PPARGC1A: variants seen among roughly 807,000 people sequenced by gnomAD.
PPARGC1A encodes PPARG coactivator 1 alpha.
PPARGC1A carries 25 observed loss-of-function variants against 88.7 expected under a neutral mutation model. That is an observed-to-expected ratio of 0.28 (90% CI 0.21 to 0.39). The LOEUF (loss-of-function observed/expected upper bound fraction) is 0.39, where lower values mean the gene tolerates loss of function less well. PPARGC1A is among the 10% of genes least tolerant of loss of function. PPARGC1A has a pLI of 1.00. For synonymous variants in PPARGC1A, 363 were observed against 355.6 expected, an observed-to-expected ratio of 1.02 and a Z score of -0.24; for missense variants, 880 against 968.7, an observed-to-expected ratio of 0.91 and a Z score of 1.22.
chr4:24,351,657 A>G, the PPARGC1A span, among the ~76,000 whole-genome samples: 6 of 152,140 alleles, frequency 3.9e-5, no homozygotes, highest in Non-Finnish European at 8.8e-5. Context: ...AAAAGACACT[A>G]TCTAATGTAA....
At chr4:24,093,739 G>A in the PPARGC1A span, among the ~76,000 whole-genome samples, 1 of 152,196 alleles carries the variant, frequency 6.6e-6, no homozygotes, top group Non-Finnish European at 1.5e-5. Flanking sequence ...CTTATGGAAG[G>A]CAGCACACGA....
chr4:24,421,099 C>T, the PPARGC1A span, among the ~76,000 whole-genome samples: 3 of 152,050 alleles, frequency 2.0e-5, no homozygotes, highest in Non-Finnish European at 4.4e-5. Context: ...TCAACATATA[C>T]ATTTTGGAGC....
At chr4:23,897,363 T>C (rs1718718447) in intron 1 of PPARGC1A, among the ~76,000 whole-genome samples, 1 of 152,172 alleles carries the variant, frequency 6.6e-6, no homozygotes, top group African/African-American at 2.4e-5. Context: ...GAAAGGAAAG[T>C]GCATGGTAAG....
At chr4:24,343,415 C>T in the PPARGC1A span, among the ~76,000 whole-genome samples, 2,659 of 152,232 alleles carry the variant, frequency 0.017, 81 homozygotes, top group African/African-American at 0.061. Flanking sequence ...CCTTTCATCT[C>T]TTTGGCCACA....
chr4:24,017,976 T>C, the PPARGC1A span, among the ~76,000 whole-genome samples: 1 of 152,214 alleles, frequency 6.6e-6, no homozygotes, highest in Non-Finnish European at 1.5e-5. Context: ...TGAACACATA[T>C]GCTTCCTGTC....
the PPARGC1A span, among the ~76,000 whole-genome samples, chr4:24,037,230 T>A: frequency 6.6e-6 from 1 of 152,226 alleles, no homozygotes; most frequent in Non-Finnish European, 1.5e-5. Context: ...GTTTCTTTAT[T>A]TTTAATATAT....
chr4:23,839,576 A>G (rs1434914118), intron 2 of PPARGC1A, among the ~76,000 whole-genome samples: 2 of 152,168 alleles, frequency 1.3e-5, no homozygotes. Context: ...CTCAAGTGAA[A>G]CAACTCAACT....
At chr4:24,012,540 T>G in the PPARGC1A span, among the ~76,000 whole-genome samples, 1 of 152,080 alleles carries the variant, frequency 6.6e-6, no homozygotes, top group South Asian at 2.1e-4. Flanking sequence ...GCCAACCTGC[T>G]TTTCTGCTCT....
the PPARGC1A span, among the ~76,000 whole-genome samples, chr4:23,924,652 G>A: frequency 6.6e-6 from 1 of 152,064 alleles, no homozygotes; most frequent in African/African-American, 2.4e-5. Flanking sequence ...TCTTTTCTTA[G>A]ACAGGTGTCC....
chr4:23,869,771 C>T (rs1560481169), intron 2 of PPARGC1A, among the ~76,000 whole-genome samples: 1 of 151,944 alleles, frequency 6.6e-6, no homozygotes. Context: ...GGGGTGGTGG[C>T]TTATTTGAGG....
chr4:24,003,656 G>T, the PPARGC1A span, among the ~76,000 whole-genome samples: 1 of 152,134 alleles, frequency 6.6e-6, no homozygotes, highest in African/African-American at 2.4e-5. Context: ...ATAAGGAAAA[G>T]ACCAGAGTGG....
chr4:23,908,630 G>A (rs1720357141), upstream of PPARGC1A, among the ~76,000 whole-genome samples: 2 of 152,144 alleles, frequency 1.3e-5, no homozygotes, highest in Non-Finnish European at 2.9e-5. Context: ...GTCAAAGGGT[G>A]CAGAACAGAC....
At chr4:23,850,324 A>T (rs1016621053) in intron 2 of PPARGC1A, among the ~76,000 whole-genome samples, 2 of 152,212 alleles carry the variant, frequency 1.3e-5, no homozygotes, top group Admixed American at 1.3e-4. Flanking sequence ...AAAATAAAGC[A>T]TAAGAAGAGA....
At chr4:23,916,191 A>G in the PPARGC1A span, among the ~76,000 whole-genome samples, 1 of 152,256 alleles carries the variant, frequency 6.6e-6, no homozygotes, top group African/African-American at 2.4e-5. Flanking sequence ...ACGTACTGGC[A>G]GTTAATTTGA....
chr4:23,920,098 T>C, the PPARGC1A span, among the ~76,000 whole-genome samples: 1 of 152,222 alleles, frequency 6.6e-6, no homozygotes, highest in Non-Finnish European at 1.5e-5. Context: ...GAGACAGTGA[T>C]TTTTAACTCA....
At chr4:23,915,150 T>C in the PPARGC1A span, among the ~76,000 whole-genome samples, 1 of 152,330 alleles carries the variant, frequency 6.6e-6, no homozygotes, top group Admixed American at 6.5e-5. Flanking sequence ...GGTTTTTTAA[T>C]GTTTAAAATT....
the PPARGC1A span, among the ~76,000 whole-genome samples, chr4:24,179,324 C>T: frequency 8.1e-4 from 124 of 152,264 alleles, no homozygotes; most frequent in Middle Eastern, 3.4e-3. Context: ...CAGCAAGTCC[C>T]CTTTATCACG....
At chr4:24,225,522 T>G in the PPARGC1A span, among the ~76,000 whole-genome samples, 1 of 145,168 alleles carries the variant, frequency 6.9e-6, no homozygotes, top group African/African-American at 2.6e-5. Context: ...AGAGCGAGAC[T>G]CCGTCTCAAA....
chr4:24,203,202 C>G, the PPARGC1A span, among the ~76,000 whole-genome samples: 1 of 152,096 alleles, frequency 6.6e-6, no homozygotes, highest in Non-Finnish European at 1.5e-5. Flanking sequence ...TAGTGGATCG[C>G]CAGGCAAGTA....
Sources: allele counts gnomAD v4.1 joint callset (sites outside exome capture counted in the v4.1 genomes callset), GRCh38; gene constraint gnomAD v4.1.1; transcripts MANE v1.5; gene names NCBI Gene and HGNC (gene_info 2026-07-23, HGNC 2026-07-21).